SANBR: variants seen among roughly 807,000 people sequenced by gnomAD.
SANBR encodes the protein SANT and BTB domain regulator of class switch recombination.
SANBR carries 77 observed loss-of-function variants against 101.8 expected under a neutral mutation model. That is an observed-to-expected ratio of 0.76 (90% confidence interval 0.63 to 0.91). The LOEUF (loss-of-function observed/expected upper bound fraction) is 0.91, where lower values mean the gene tolerates loss of function less well. Among genes scored for constraint, SANBR ranks in the 40% least tolerant of loss-of-function variants. The pLI, the probability that SANBR is intolerant of heterozygous loss-of-function variation, is 0.00. For missense variants in SANBR, 875 were observed against 853.0 expected, an observed-to-expected ratio of 1.03 and a Z score of -0.32; for synonymous variants, 279 against 274.7, an observed-to-expected ratio of 1.02 and a Z score of -0.15.
intron 12 of SANBR, among the ~76,000 whole-genome samples, chr2:61,099,018 G>A (rs1176251763): frequency 3.3e-5 from 5 of 152,206 alleles, no homozygotes; most frequent in Non-Finnish European, 7.3e-5. Context: ...TGAAGGATTC[G>A]TAGGAGTACG....
intron 11 of SANBR, among the ~76,000 whole-genome samples, chr2:61,094,428 C>A (rs1170793242): frequency 6.6e-6 from 1 of 152,148 alleles, no homozygotes; most frequent in Admixed American, 6.5e-5. Flanking sequence ...GATGTAAAAT[C>A]TATCCATGTT....
At chr2:61,111,099 A>G (rs182648560) in intron 16 of SANBR, among the ~76,000 whole-genome samples, 2 of 152,288 alleles carry the variant, frequency 1.3e-5, no homozygotes, top group South Asian at 2.1e-4. Context: ...ATGACATTGA[A>G]AAAACATGCT....
At chr2:61,111,168 C>T (rs1418574975) in intron 16 of SANBR, among the ~76,000 whole-genome samples, 1 of 152,020 alleles carries the variant, frequency 6.6e-6, no homozygotes, top group Non-Finnish European at 1.5e-5. Context: ...CCGAGGCGGG[C>T]GGATCACGAG....
chr2:61,084,145 G>C (rs1369242416), intron 8 of SANBR, among the ~76,000 whole-genome samples: 3 of 152,032 alleles, frequency 2.0e-5, no homozygotes, highest in African/African-American at 7.2e-5. Flanking sequence ...GTAGAGATGG[G>C]GGTTTGCTGC....
At chr2:61,136,992 G>GATAATA (rs745464773) in intron 21 of SANBR, among the ~76,000 whole-genome samples, 79 of 149,244 alleles carry the variant, frequency 5.3e-4, no homozygotes, top group East Asian at 3.7e-3. Flanking sequence ...CAACAACAAC[G>GATAATA]ATAATAATAA....
Position 61,122,266 on chromosome 2 carries a change from G to A in SANBR, c.*104G>A, listed in dbSNP as rs1559147723. On this transcript the variant is annotated 3_prime_UTR_variant, in exon 22 of 22. Transcript: ENST00000402291. ...GAACAATGACTTCCAACTGTTTTAT[G>A]TTATTATTATTTTAATCCACATAAA... is the stretch of plus-strand genomic sequence containing the variant. The A allele has an allele frequency of 1.4e-6, 2 of 1,392,830 alleles. No individual in the cohort carries two copies. Among genetic ancestry groups the A allele is most frequent in the Admixed American group, 2.9e-5 (1 of 34,288 alleles). 86.3% of individuals were successfully genotyped at this position (1,392,830 alleles called of 1,614,324 possible).
chr2:61,083,035 C>G (rs1682222896), intron 7 of SANBR, 119 bp from the exon 8 acceptor site: 1 of 778,196 alleles, frequency 1.3e-6, no homozygotes, highest in Non-Finnish European at 2.0e-6. Context: ...TGGCAAAACC[C>G]AGTTAGTGCC....
At chr2:61,097,645 A>C (rs1006051709) in intron 11 of SANBR, 55 bp from the exon 12 acceptor site, 1 of 1,351,384 alleles carries the variant, frequency 7.4e-7, no homozygotes, top group Non-Finnish European at 1.0e-6. Flanking sequence ...AGTATTTTTG[A>C]AACATATAAT....
At position 61,123,013 on chromosome 2, in the gene SANBR, A is replaced by T. The variant is rs1684394825; in HGVS notation, c.*851A>T. ...TCAAATAACTCCTTAAAACAGTTAT[A>T]CTTGCTAGTTCGGTCTAAAATTTTC... is the stretch of plus-strand genomic sequence containing the variant. On this transcript the variant is annotated 3_prime_UTR_variant, in exon 22 of 22. Transcript: ENST00000402291. The T allele has an allele frequency of 1.7e-5, 17 of 981,890 alleles. No individual in the cohort carries two copies. The highest frequency in any genetic ancestry group is 2.1e-5 in the Non-Finnish European group (17 of 826,570). 60.8% of individuals were successfully genotyped at this position (981,890 alleles called of 1,614,324 possible).
intron 4 of SANBR, 119 bp downstream of exon 4, chr2:61,071,911 G>A (rs1374802570): frequency 1.6e-5 from 10 of 632,586 alleles, no homozygotes; most frequent in Non-Finnish European, 2.4e-5. Context: ...ATAGAGAAAT[G>A]TATTCATATT....
intron 6 of SANBR, among the ~76,000 whole-genome samples, chr2:61,079,857 G>A (rs982904635): frequency 3.3e-5 from 5 of 151,186 alleles, no homozygotes; most frequent in Non-Finnish European, 5.9e-5. Flanking sequence ...CAGAGATTGC[G>A]CCACTGCACT....
At chr2:61,074,954 A>G (rs1333006996) in intron 5 of SANBR, 2 of 150,296 alleles carry the variant, frequency 1.3e-5, no homozygotes, top group South Asian at 2.1e-4. Context: ...TGGTAGCCCA[A>G]TTTTATTTAA....
In SANBR at chr2:61,088,353, T is replaced by G. The variant is rs759869115; in HGVS notation, c.978-5T>G. 3.8e-6 allele frequency: 6 copies of G among 1,581,746 alleles called. No individual in the cohort carries two copies. Among genetic ancestry groups the G allele is most frequent in the Admixed American group, 1.9e-5 (1 of 53,390 alleles). On this transcript the variant is annotated splice_region_variant and splice_polypyrimidine_tract_variant and intron_variant, in intron 9 of 21. Coordinates refer to ENST00000402291, the MANE Select transcript of SANBR (RefSeq NM_001129993.3). ...GGATGTTTTTTGTATCTTCTTTGTT[T>G]ATAGATGCTGTTTGTGTAAGAAACT...
intron 16 of SANBR, among the ~76,000 whole-genome samples, chr2:61,115,308 T>C (rs973829725): frequency 2.6e-5 from 4 of 151,618 alleles, no homozygotes; most frequent in African/African-American, 9.7e-5. Flanking sequence ...TTGTCAGATT[T>C]ATTGGCATAA....
At position 61,117,518 on chromosome 2, in the gene SANBR, C is replaced by G; in HGVS notation, c.1917C>G (p.Asn639Lys). ...ATGCCACAAGATCCTTGAGATTCAA[C>G]CAGGATGCACAAAGAGAAGACGGTA... ...KWDATRSLRF[N>K]QDAQREDDQR... The change falls in exon 19 of 22, where the codon AAC (asparagine) becomes AAG (lysine). Residue 639 changes from asparagine to lysine, a missense_variant. Coordinates refer to ENST00000402291, the MANE Select transcript of SANBR (RefSeq NM_001129993.3). The G allele has an allele frequency of 6.2e-7, 1 of 1,613,346 alleles. No homozygotes were observed. The highest frequency in any genetic ancestry group is 8.5e-7 in the Non-Finnish European group (1 of 1,179,482).
At position 61,088,803 on chromosome 2, in the gene SANBR, G is replaced by A. The variant is rs374177287; in HGVS notation, c.1088+335G>A. The stretch of plus-strand genomic sequence containing the variant: ...CAAAGTACTGGGATTATAGGTGTGA[G>A]CCACCGCTCCCAGCCCAGATTTTTT... On this transcript the variant is annotated intron_variant, in intron 10 of 21. Coordinates refer to ENST00000402291, the MANE Select transcript of SANBR (RefSeq NM_001129993.3). The A allele has an allele frequency of 6.3e-6, 6 of 956,200 alleles. No individual in the cohort carries two copies. The African/African-American group carries it at 8.8e-5, about 14-fold the overall frequency. 59.2% of individuals were successfully genotyped at this position (956,200 alleles called of 1,614,324 possible).
chr2:61,121,303 T>A, intron 21 of SANBR, 27 bp downstream of exon 21: 1 of 1,497,274 alleles, frequency 6.7e-7, no homozygotes, highest in Non-Finnish European at 9.1e-7. Context: ...TAAACCAGAG[T>A]GTCAGTGGCT....
chr2:61,089,049 C>A, intron 10 of SANBR: 1 of 970,342 alleles, frequency 1.0e-6, no homozygotes, highest in Non-Finnish European at 1.2e-6. Flanking sequence ...CTGGTTAGTG[C>A]CTTTAAAATG....
chr2:61,086,004 G>T (rs1682407881), intron 8 of SANBR, among the ~76,000 whole-genome samples: 1 of 152,110 alleles, frequency 6.6e-6, no homozygotes, highest in Non-Finnish European at 1.5e-5. Flanking sequence ...TGGGATTCAT[G>T]TAATCTGTAG....
Sources: gnomAD v4.1 joint callset for allele counts (sites outside exome capture counted in the v4.1 genomes callset) on GRCh38, gnomAD v4.1.1 for gene constraint, MANE v1.5 for transcripts, NCBI Gene and HGNC (gene_info 2026-07-23, HGNC 2026-07-21) for gene names.